Variants in SOX5 observed in about 807,000 individuals in gnomAD.
The protein encoded by SOX5 is transcription factor SOX-5.
In SOX5, 9 loss-of-function variants were observed where a neutral mutation model predicts 92.0. The observed-to-expected ratio is 0.10, with a 90% CI of 0.06 to 0.17. The LOEUF is 0.17. SOX5 is among the 10% of genes least tolerant of loss of function. The pLI is 1.00. For synonymous variants in SOX5, 344 were observed against 336.3 expected, an observed-to-expected ratio of 1.02 and a Z score of -0.25; for missense variants, 642 against 944.5, an observed-to-expected ratio of 0.68 and a Z score of 4.20.
chr12:24,019,833 A>G (rs1304527483), intron 4 of SOX5, among the ~76,000 whole-genome samples: 1 of 152,192 alleles, frequency 6.6e-6, no homozygotes, highest in Non-Finnish European at 1.5e-5. Context: ...CATTTGATCT[A>G]GATCTGTAAA....
At chr12:24,198,899 C>T (rs531901993) in intron 4 of SOX5, among the ~76,000 whole-genome samples, 1 of 152,240 alleles carries the variant, frequency 6.6e-6, no homozygotes, top group African/African-American at 2.4e-5. Context: ...GGGCTCTGGG[C>T]AAAATGAGAA....
intron 1 of SOX5, among the ~76,000 whole-genome samples, chr12:24,453,439 T>C (rs1002760037): frequency 2.6e-5 from 4 of 152,230 alleles, no homozygotes; most frequent in African/African-American, 7.2e-5. Flanking sequence ...GTAAAATACC[T>C]ACACCAACCA....
chr12:23,960,918 T>C (rs1946861541), intron 4 of SOX5, among the ~76,000 whole-genome samples: 1 of 152,136 alleles, frequency 6.6e-6, no homozygotes. Flanking sequence ...AACTTTTCAC[T>C]GCATATATTT....
At chr12:24,159,523 G>C (rs1258474819) in intron 4 of SOX5, among the ~76,000 whole-genome samples, 1 of 151,908 alleles carries the variant, frequency 6.6e-6, no homozygotes, top group Non-Finnish European at 1.5e-5. Flanking sequence ...ACTTGGTTCT[G>C]AAACTCAATA....
intron 4 of SOX5, among the ~76,000 whole-genome samples, chr12:24,046,165 G>A (rs1218074333): frequency 1.3e-5 from 2 of 152,164 alleles, no homozygotes; most frequent in South Asian, 2.1e-4. Flanking sequence ...GTCTGCCCAA[G>A]GTCAAAGCCT....
intron 1 of SOX5, among the ~76,000 whole-genome samples, chr12:24,553,019 G>A (rs530027546): frequency 6.6e-6 from 1 of 152,318 alleles, no homozygotes; most frequent in African/African-American, 2.4e-5. Flanking sequence ...GTAACAGAGT[G>A]AGAACTTGTC....
At chr12:23,874,409 G>T (rs927085840) in intron 2 of SOX5, among the ~76,000 whole-genome samples, 2 of 152,202 alleles carry the variant, frequency 1.3e-5, no homozygotes, top group African/African-American at 4.8e-5. Context: ...GCAGACCACC[G>T]CAACCTTGGT....
chr12:24,447,658 A>G (rs1467246583), intron 1 of SOX5, among the ~76,000 whole-genome samples: 1 of 152,254 alleles, frequency 6.6e-6, no homozygotes, highest in East Asian at 1.9e-4. Context: ...AGCTGGATAC[A>G]GGGTAAATAG....
chr12:24,405,424 C>T (rs538419432), intron 1 of SOX5, among the ~76,000 whole-genome samples: 40 of 152,220 alleles, frequency 2.6e-4, no homozygotes, highest in African/African-American at 9.6e-4. Flanking sequence ...AAACAGGGCA[C>T]TGAGGGGGTG....
intron 1 of SOX5, among the ~76,000 whole-genome samples, chr12:24,521,742 A>G (rs1349740847): frequency 6.6e-6 from 1 of 152,212 alleles, no homozygotes; most frequent in East Asian, 1.9e-4. Flanking sequence ...AAAGAAATAT[A>G]AGAAGTATCT....
intron 3 of SOX5, among the ~76,000 whole-genome samples, chr12:24,251,128 A>T (rs559185573): frequency 5.3e-5 from 8 of 152,232 alleles, no homozygotes; most frequent in African/African-American, 7.2e-5. Context: ...CTAACAAAAA[A>T]ACTTACTTCT....
chr12:24,179,884 T>TGAATTAAC (rs1185576200), intron 4 of SOX5, among the ~76,000 whole-genome samples: 3 of 151,782 alleles, frequency 2.0e-5, no homozygotes, highest in African/African-American at 7.3e-5. Flanking sequence ...TGTGAGTTAA[T>TGAATTAAC]GAATTAACTC....
chr12:24,484,551 A>T (rs778466780), intron 1 of SOX5, among the ~76,000 whole-genome samples: 1 of 152,096 alleles, frequency 6.6e-6, no homozygotes, highest in Non-Finnish European at 1.5e-5. Flanking sequence ...GTGTGTGTCC[A>T]TGTTTGTGTG....
At chr12:24,068,402 A>C (rs1592847911) in intron 4 of SOX5, among the ~76,000 whole-genome samples, 1 of 152,066 alleles carries the variant, frequency 6.6e-6, no homozygotes, top group African/African-American at 2.4e-5. Context: ...CATTTTTGGG[A>C]AAAAAAGAAT....
At chr12:24,007,140 AAT>A (rs755297324) in intron 4 of SOX5, among the ~76,000 whole-genome samples, 6 of 39,500 alleles carry the variant, frequency 1.5e-4, no homozygotes, top group African/African-American at 4.7e-4. Context: ...CTCAAAAAAA[AAT>A]ATATATATAT....
At chr12:24,034,002 A>G (rs1339258527) in intron 4 of SOX5, among the ~76,000 whole-genome samples, 1 of 152,042 alleles carries the variant, frequency 6.6e-6, no homozygotes, top group Non-Finnish European at 1.5e-5. Flanking sequence ...AGTCCAGTCT[A>G]TATTTTATAA....
At chr12:24,287,592 C>CTTTTTTTTTTTTTT (rs763973565) in intron 2 of SOX5, among the ~76,000 whole-genome samples, 1 of 79,672 alleles carries the variant, frequency 1.3e-5, no homozygotes, top group African/African-American at 4.5e-5. Flanking sequence ...TTCTCAAATC[C>CTTTTTTTTTTTTTT]TTTTTTTTTT....
intron 3 of SOX5, among the ~76,000 whole-genome samples, chr12:23,809,619 T>TAAA (rs11390865): frequency 1.1e-4 from 16 of 148,558 alleles, no homozygotes; most frequent in South Asian, 2.1e-4. Context: ...ACTTTTTTAT[T>TAAA]AAAAAAAAAA....
rs563915712 is a variant in SOX5, at chr12:23,969,616, G to C, written c.-1-73592C>G. On this transcript the variant is annotated intron_variant, in intron 4 of 4. Coordinates refer to the SOX5 transcript ENST00000446891. ...CAAATTTTTATTTGGCTAATGTCTA[G>C]CTACACTTCAAATTTCAGTTCTACT... 7.2e-5 allele frequency among the ~76,000 whole-genome samples: 11 copies of C among 152,286 alleles called. No homozygotes were observed. In the South Asian group the frequency reaches 1.7e-3, roughly 23 times the overall value.
Sources: gnomAD v4.1 joint callset for allele counts (sites outside exome capture counted in the v4.1 genomes callset) on GRCh38, gnomAD v4.1.1 for gene constraint, MANE v1.5 for transcripts, NCBI Gene and HGNC (gene_info 2026-07-23, HGNC 2026-07-21) for gene names.